The following AGBL1 variants were observed in gnomAD, a reference collection of about 807,000 sequenced individuals.
The protein encoded by AGBL1 is cytosolic carboxypeptidase 4.
Under a neutral mutation model 118.9 loss-of-function variants are expected in AGBL1, and 130 were observed. The observed-to-expected ratio is 1.09, with a 90% confidence interval of 0.95 to 1.26. The LOEUF (loss-of-function observed/expected upper bound fraction) is 1.26. AGBL1 is among the 50% of genes most tolerant of loss of function. The pLI is 0.00. For synonymous variants in AGBL1, 555 were observed against 478.9 expected (o/e 1.16, Z -2.08); for missense variants, 1,584 against 1,298.1 (o/e 1.22, Z -3.38).
chr15:86,175,615 T>C (rs193003085), intron 5 of AGBL1, among the ~76,000 whole-genome samples: 40 of 152,258 alleles, frequency 2.6e-4, no homozygotes, highest in African/African-American at 8.9e-4. Flanking sequence ...AATTTTCTAC[T>C]TTTTTGACAT....
intron 6 of AGBL1, among the ~76,000 whole-genome samples, chr15:86,244,278 A>G (rs2078686269): frequency 6.6e-6 from 1 of 152,130 alleles, no homozygotes; most frequent in South Asian, 2.1e-4. Flanking sequence ...CACCCAGAGC[A>G]GTATTCAAAA....
intron 22 of AGBL1, among the ~76,000 whole-genome samples, chr15:86,825,386 G>GAAAA (rs2078992616): frequency 3.8e-4 from 1 of 2,642 alleles, no homozygotes; most frequent in Non-Finnish European, 6.4e-4. Flanking sequence ...GGTAGAAACT[G>GAAAA]TAAAAAAAAA....
intron 22 of AGBL1, among the ~76,000 whole-genome samples, chr15:86,704,330 TATC>T (rs2086410993): frequency 6.6e-6 from 1 of 152,246 alleles, no homozygotes; most frequent in East Asian, 1.9e-4. Flanking sequence ...CAAAAGAAAT[TATC>T]ATCAGAGTGA....
At chr15:86,690,328 A>G (rs1302727255) in intron 22 of AGBL1, among the ~76,000 whole-genome samples, 1 of 152,136 alleles carries the variant, frequency 6.6e-6, no homozygotes, top group Non-Finnish European at 1.5e-5. Context: ...AGGACCATAC[A>G]GTGTTTGGAA....
At chr15:86,524,545 T>C (rs889665169) in intron 19 of AGBL1, among the ~76,000 whole-genome samples, 5 of 152,080 alleles carry the variant, frequency 3.3e-5, no homozygotes, top group Admixed American at 2.6e-4. Context: ...GGGTTTTTGT[T>C]GGGGGGTCAG....
chr15:86,608,900 C>T (rs2084620822), intron 21 of AGBL1, among the ~76,000 whole-genome samples: 2 of 152,148 alleles, frequency 1.3e-5, no homozygotes, highest in Non-Finnish European at 2.9e-5. Context: ...CACAGGGCTT[C>T]CAAGTTGGTG....
chr15:86,773,871 C>G (rs1218302123), intron 22 of AGBL1, among the ~76,000 whole-genome samples: 2 of 152,026 alleles, frequency 1.3e-5, no homozygotes, highest in Middle Eastern at 3.4e-3. Context: ...TGAAATATAC[C>G]AGCTCCACAG....
chr15:86,564,774 G>A (rs977984894), intron 21 of AGBL1, among the ~76,000 whole-genome samples: 5 of 152,202 alleles, frequency 3.3e-5, no homozygotes, highest in African/African-American at 1.2e-4. Context: ...ACACCAATCA[G>A]ATGTAGATTT....
intron 4 of AGBL1, 54 bp from the exon 5 acceptor site, chr15:86,158,879 G>T: frequency 6.6e-7 from 1 of 1,516,960 alleles, no homozygotes; most frequent in Non-Finnish European, 9.2e-7. Context: ...AAGTTGTCTT[G>T]AGCCTTAACT....
chr15:86,443,199 G>A (rs1254728313), intron 18 of AGBL1, among the ~76,000 whole-genome samples: 1 of 152,202 alleles, frequency 6.6e-6, no homozygotes, highest in Non-Finnish European at 1.5e-5. Flanking sequence ...CAGGGCACCA[G>A]GGATCTCCAG....
chr15:86,875,829 C>T (rs758947228), intron 22 of AGBL1, among the ~76,000 whole-genome samples: 4 of 152,138 alleles, frequency 2.6e-5, no homozygotes, highest in Non-Finnish European at 5.9e-5. Context: ...GGATAGAGAT[C>T]AATGAAAGCT....
At chr15:86,825,647 AAAGG>A (rs1444160727) in intron 22 of AGBL1, among the ~76,000 whole-genome samples, 1 of 143,632 alleles carries the variant, frequency 7.0e-6, no homozygotes, top group Non-Finnish European at 1.5e-5. Context: ...GGAAGGAAAG[AAAGG>A]AAGGGAAGGG....
chr15:86,110,268 C>T (rs1897288170), intron 1 of AGBL1, among the ~76,000 whole-genome samples: 1 of 152,098 alleles, frequency 6.6e-6, no homozygotes. Context: ...GTTTTGGCTG[C>T]CCCAAACTTA....
intron 24 of AGBL1, among the ~76,000 whole-genome samples, chr15:87,024,971 G>C (rs1158561088): frequency 6.6e-6 from 1 of 151,788 alleles, no homozygotes; most frequent in Non-Finnish European, 1.5e-5. Flanking sequence ...ACATACAAGG[G>C]ACATACCTCA....
At chr15:86,638,623 CTAAG>C (rs1268749875) in intron 21 of AGBL1, among the ~76,000 whole-genome samples, 1 of 152,136 alleles carries the variant, frequency 6.6e-6, no homozygotes, top group Non-Finnish European at 1.5e-5. Flanking sequence ...GCTTCAGTGT[CTAAG>C]TAATCCGAAT....
intron 5 of AGBL1, among the ~76,000 whole-genome samples, chr15:86,167,807 A>G (rs2077362955): frequency 1.3e-5 from 2 of 152,206 alleles, no homozygotes; most frequent in African/African-American, 4.8e-5. Flanking sequence ...TTAGGCAGAG[A>G]TTGTAGGATG....
intron 24 of AGBL1, among the ~76,000 whole-genome samples, chr15:87,006,707 C>T (rs906052003): frequency 7.2e-5 from 11 of 152,014 alleles, no homozygotes; most frequent in African/African-American, 2.4e-4. Flanking sequence ...TCCAACAAGC[C>T]CCAGTGAGAT....
chr15:86,998,031 A>G (rs987030827), intron 24 of AGBL1, among the ~76,000 whole-genome samples: 3 of 152,108 alleles, frequency 2.0e-5, no homozygotes, highest in Admixed American at 6.6e-5. Context: ...CTATGTATAT[A>G]TAGTAGATTG....
At chr15:86,554,682 A>AC in intron 21 of AGBL1, 145 bp downstream of exon 21, 1 of 776,220 alleles carries the variant, frequency 1.3e-6, no homozygotes, top group Non-Finnish European at 1.8e-6. Context: ...AAACGGGTTC[A>AC]ACAATTGCTT....
Sources: gnomAD v4.1 joint callset for allele counts (sites outside exome capture counted in the v4.1 genomes callset) on GRCh38, gnomAD v4.1.1 for gene constraint, MANE v1.5 for transcripts, NCBI Gene and HGNC (gene_info 2026-07-23, HGNC 2026-07-21) for gene names.